The following HPRT1 variants were observed in gnomAD, a reference collection of about 807,000 sequenced individuals.
HPRT1 encodes hypoxanthine-guanine phosphoribosyltransferase.
In HPRT1, 4 loss-of-function variants were observed where a neutral mutation model predicts 19.0. The observed-to-expected ratio is 0.21, with a 90% CI of 0.10 to 0.48. The LOEUF (loss-of-function observed/expected upper bound fraction) is 0.48, where lower values mean the gene tolerates loss of function less well. Ranked by LOEUF, HPRT1 falls within the 20% of genes least tolerant of loss-of-function variation. The pLI is 0.98. For missense variants in HPRT1, 65 were observed against 164.0 expected, an observed-to-expected ratio of 0.40 and a Z score of 3.30; for synonymous variants, 53 against 54.9, an observed-to-expected ratio of 0.97 and a Z score of 0.15.
At chrX:134,497,636 AAAAAG>A (rs997842883) in intron 6 of HPRT1, among the ~76,000 whole-genome samples, 69 of 109,015 alleles carry the variant, frequency 6.3e-4, no homozygotes, top group African/African-American at 1.0e-3. Context: ...CCATCTCAAA[AAAAAG>A]AAAAGAAAAG....
chrX:134,485,657 T>C (rs1236445403), intron 3 of HPRT1, among the ~76,000 whole-genome samples: 1 of 112,176 alleles, frequency 8.9e-6, no homozygotes, highest in East Asian at 2.8e-4. Context: ...TTCTGGGCTC[T>C]ACTTTGTTCA....
At position 134,470,792 on chromosome X, in the gene HPRT1, G is replaced by T. The variant is rs1215574783; in HGVS notation, c.28-2567G>T. Among the ~76,000 whole-genome samples the T allele has an allele frequency of 3.7e-5, 4 of 109,550 alleles. No individual in the cohort carries two copies. The Admixed American group carries it at 3.9e-4, about 11-fold the overall frequency. Reference sequence around the variant, plus strand: ...ATATTAAAGTGTAGAAAGTGACCAGGCGTGGTGGCTCACACCTGTAATCCA... The same window carrying T: ...ATATTAAAGTGTAGAAAGTGACCAGTCGTGGTGGCTCACACCTGTAATCCA... On this transcript the variant is annotated intron_variant, in intron 1 of 8. Coordinates refer to ENST00000298556, the MANE Select transcript of HPRT1 (RefSeq NM_000194.3).
At chrX:134,498,286 C>T in intron 6 of HPRT1, 104 bp from the exon 7 acceptor site, 2 of 678,304 alleles carry the variant, frequency 2.9e-6, no homozygotes, top group Non-Finnish European at 4.9e-6. Flanking sequence ...CCATGGTACA[C>T]TCAGCACGGA....
chrX:134,474,892 A>AT (rs749972986), intron 2 of HPRT1, among the ~76,000 whole-genome samples: 2 of 110,118 alleles, frequency 1.8e-5, no homozygotes, highest in Admixed American at 1.9e-4. Flanking sequence ...TTTTTAATGC[A>AT]TTTTTTTGAG....
chrX:134,461,641 G>A (rs951199952), intron 1 of HPRT1, among the ~76,000 whole-genome samples: 7 of 111,880 alleles, frequency 6.3e-5, no homozygotes. Flanking sequence ...ATGGCCCCTG[G>A]CGGGGAACAG....
chrX:134,492,143 G>T (rs1335855211), intron 5 of HPRT1, among the ~76,000 whole-genome samples: 1 of 102,049 alleles, frequency 9.8e-6, no homozygotes, highest in East Asian at 3.0e-4. Flanking sequence ...CTCCCACCTC[G>T]GCCTCGCAAA....
intron 3 of HPRT1, among the ~76,000 whole-genome samples, chrX:134,481,922 G>A (rs2077641558): frequency 8.9e-6 from 1 of 112,188 alleles, no homozygotes; most frequent in Admixed American, 9.5e-5. Flanking sequence ...TGTTGCACAC[G>A]TTTATTTTAT....
At chrX:134,493,299 C>T (rs2077672517) in intron 5 of HPRT1, among the ~76,000 whole-genome samples, 1 of 111,238 alleles carries the variant, frequency 9.0e-6, no homozygotes, top group Non-Finnish European at 1.9e-5. Context: ...TGTCATTGAT[C>T]CTGCACCTAC....
In HPRT1 at chrX:134,485,404, G is replaced by A. The variant is rs774064683; in HGVS notation, c.319-1061G>A. 6.3e-5 allele frequency among the ~76,000 whole-genome samples: 7 copies of A among 111,128 alleles called. No homozygotes were observed. The East Asian group carries it at 8.5e-4, about 14-fold the overall frequency. ...ATGCCTGGGTTTTTACCCTTTCTAC[G>A]GATGTTAAAAAAAATTCTCTATTTT... On this transcript the variant is annotated intron_variant, in intron 3 of 8. Coordinates refer to ENST00000298556, the MANE Select transcript of HPRT1 (RefSeq NM_000194.3).
At chrX:134,461,834 T>G (rs548653173) in intron 1 of HPRT1, among the ~76,000 whole-genome samples, 12 of 112,147 alleles carry the variant, frequency 1.1e-4, no homozygotes, top group South Asian at 3.7e-4. Context: ...AACCTAGCTC[T>G]CTCTCTCTCG....
At position 134,473,238 on chromosome X, in the gene HPRT1, A is replaced by G. The variant is rs762002676; in HGVS notation, c.28-121A>G. On this transcript the variant is annotated intron_variant, in intron 1 of 8. Coordinates refer to ENST00000298556, the MANE Select transcript of HPRT1 (RefSeq NM_000194.3). Reference sequence around the variant, plus strand: ...TATCATACCTACAAAGTTAACAGTTACTAATATCATCTTACACCTAAATTT... The same window carrying G: ...TATCATACCTACAAAGTTAACAGTTGCTAATATCATCTTACACCTAAATTT... 6 of 509,991 alleles carry G rather than the reference A, an allele frequency of 1.2e-5. No individual in the cohort carries two copies. The South Asian group carries it at 1.4e-4, about 12-fold the overall frequency. The allele number at this position is 509,991 out of a possible 1,213,427, so 42.0% of individuals were successfully genotyped here. A position where few individuals can be genotyped will look rare whatever the true frequency, so the allele number is the denominator to read the frequency against.
chrX:134,461,237 A>G (rs995380750), intron 1 of HPRT1, among the ~76,000 whole-genome samples: 1 of 111,759 alleles, frequency 8.9e-6, no homozygotes, highest in Non-Finnish European at 1.9e-5. Flanking sequence ...TGTTTTGGCA[A>G]TGACCTGGTT....
In HPRT1 at chrX:134,460,246, CCT is replaced by C; in HGVS notation, c.-64_-63del. 9.2e-7 allele frequency: 1 copy of C among 1,091,233 alleles called. No homozygotes were observed. The highest frequency in any genetic ancestry group is 1.2e-6 in the Non-Finnish European group (1 of 827,866). 89.9% of individuals were successfully genotyped at this position (1,091,233 alleles called of 1,213,427 possible). On this transcript the variant is annotated 5_prime_UTR_variant, in exon 1 of 9. Coordinates refer to ENST00000298556, the MANE Select transcript of HPRT1 (RefSeq NM_000194.3). Reference sequence around the variant, plus strand: ...GCCGCCTCTTGCTGCGCCTCCGCCTCCTCCTCTGCTCCGCCACCGGCTTCCTC... The same window carrying C: ...GCCGCCTCTTGCTGCGCCTCCGCCTCCCTCTGCTCCGCCACCGGCTTCCTC...
Position 134,464,921 on chromosome X carries a change from A to G in HPRT1, c.27+4583A>G, listed in dbSNP as rs371415988. Among the ~76,000 whole-genome samples, 52 of 107,481 alleles carry G rather than the reference A, an allele frequency of 4.8e-4. No individual in the cohort carries two copies. The South Asian group carries it at 0.02, about 42-fold the overall frequency. The allele number at this position is 107,481 out of a possible 115,157, so 93.3% of individuals were successfully genotyped here. A position where few individuals can be genotyped will look rare whatever the true frequency, so the allele number is the denominator to read the frequency against. ...TTAAGTCTTGTTTGGACCCACGAACATTGTCTTTTTTTTTTTAAGATGGAG... is the reference window on the plus strand; with the variant it reads ...TTAAGTCTTGTTTGGACCCACGAACGTTGTCTTTTTTTTTTTAAGATGGAG... On this transcript the variant is annotated intron_variant, in intron 1 of 8. Transcript: ENST00000298556.
intron 5 of HPRT1, among the ~76,000 whole-genome samples, chrX:134,492,022 C>CAT (rs1171495373): frequency 1.5e-3 from 128 of 85,922 alleles, no homozygotes; most frequent in Non-Finnish European, 2.0e-3. Context: ...AATATATATA[C>CAT]ATATATATAT....
At chrX:134,493,836 T>C (rs1257404335) in intron 6 of HPRT1, among the ~76,000 whole-genome samples, 1 of 111,738 alleles carries the variant, frequency 8.9e-6, no homozygotes, top group Non-Finnish European at 1.9e-5. Context: ...TATCAGTTTG[T>C]CCTGAATAGC....
chrX:134,482,306 C>A (rs770668472), intron 3 of HPRT1, among the ~76,000 whole-genome samples: 1 of 112,059 alleles, frequency 8.9e-6, no homozygotes, highest in Non-Finnish European at 1.9e-5. Context: ...CCTCCCACCT[C>A]AGCCTCCCAA....
rs748455885 is a variant in HPRT1 at position 134,486,021 on chromosome X, G to A, written c.319-444G>A. Among the ~76,000 whole-genome samples the A allele has an allele frequency of 1.8e-3, 201 of 111,819 alleles. 1 individual carries two copies. Among genetic ancestry groups the A allele is most frequent in the Non-Finnish European group, 2.9e-3 (153 of 53,176 alleles). ...GAGGGACATATCCTTGGGGTTGGGTGTGATATAGACCAGCCCTTACAATTT... is the reference window on the plus strand; with the variant it reads ...GAGGGACATATCCTTGGGGTTGGGTATGATATAGACCAGCCCTTACAATTT... On this transcript the variant is annotated intron_variant, in intron 3 of 8. Coordinates refer to ENST00000298556, the MANE Select transcript of HPRT1 (RefSeq NM_000194.3).
chrX:134,460,415 T>A, intron 1 of HPRT1, 77 bp downstream of exon 1: 2 of 865,958 alleles, frequency 2.3e-6, no homozygotes, highest in Non-Finnish European at 2.9e-6. Context: ...AGGCGCGGGA[T>A]CCGCAGTGCG....
Sources: allele counts gnomAD v4.1 joint callset (sites outside exome capture counted in the v4.1 genomes callset), GRCh38; gene constraint gnomAD v4.1.1; transcripts MANE v1.5; gene names NCBI Gene and HGNC (gene_info 2026-07-23, HGNC 2026-07-21).